Variants in RABGAP1L observed in about 807,000 individuals in gnomAD.
RABGAP1L encodes rab GTPase-activating protein 1-like.
Under a neutral mutation model 137.7 loss-of-function variants are expected in RABGAP1L, and 63 were observed. That is an observed-to-expected ratio of 0.46 (90% CI 0.37 to 0.56). RABGAP1L has a LOEUF of 0.56. Among genes scored for constraint, RABGAP1L ranks in the 20% least tolerant of loss-of-function variants. RABGAP1L has a pLI of 0.00. For synonymous variants in RABGAP1L, 431 were observed against 433.7 expected (o/e 0.99, Z 0.08); for missense variants, 1,095 against 1,244.0 (o/e 0.88, Z 1.80).
intron 14 of RABGAP1L, among the ~76,000 whole-genome samples, chr1:174,679,944 AGAC>A (rs1166483332): frequency 2.0e-5 from 3 of 152,358 alleles, no homozygotes; most frequent in Admixed American, 1.3e-4. Context: ...AGTGGATTAC[AGAC>A]CTAAATGTAA....
chr1:174,386,292 TG>T (rs1686769817), intron 12 of RABGAP1L, among the ~76,000 whole-genome samples: 1 of 152,162 alleles, frequency 6.6e-6, no homozygotes, highest in African/African-American at 2.4e-5. Flanking sequence ...ATTTTAGAGG[TG>T]AGAGAACTGA....
chr1:174,555,324 A>T (rs1201586245), intron 13 of RABGAP1L, among the ~76,000 whole-genome samples: 1 of 152,226 alleles, frequency 6.6e-6, no homozygotes, highest in Non-Finnish European at 1.5e-5. Context: ...GCTTTAAAAC[A>T]TTCTCTAATG....
At position 174,916,982 on chromosome 1, in the gene RABGAP1L, C is replaced by T. The variant is rs1206781169; in HGVS notation, c.2341-40475C>T. ...GCTGGGAAATACAAGATCAGTGTTCCAGTAGATTTGGTTCCTGGTGAGAAC... is the reference window on the plus strand; with the variant it reads ...GCTGGGAAATACAAGATCAGTGTTCTAGTAGATTTGGTTCCTGGTGAGAAC... On this transcript the variant is annotated intron_variant, in intron 19 of 25. Transcript: ENST00000681986. Among the ~76,000 whole-genome samples, 4 of 152,150 alleles carry T rather than the reference C, an allele frequency of 2.6e-5. No individual in the cohort carries two copies. The East Asian group carries it at 7.7e-4, about 29-fold the overall frequency.
chr1:174,519,176 C>T (rs1459777966), intron 13 of RABGAP1L, among the ~76,000 whole-genome samples: 1 of 149,756 alleles, frequency 6.7e-6, no homozygotes, highest in Non-Finnish European at 1.5e-5. Context: ...GTATAAACTC[C>T]CATGTGTAAA....
intron 13 of RABGAP1L, among the ~76,000 whole-genome samples, chr1:174,550,921 C>CACACACATATACACAT (rs1467484298): frequency 6.6e-5 from 6 of 90,952 alleles, no homozygotes; most frequent in African/African-American, 3.2e-4. Flanking sequence ...CACACACACA[C>CACACACATATACACAT]ATATATATAT....
chr1:174,307,991 TG>T, intron 11 of RABGAP1L, among the ~76,000 whole-genome samples: 1 of 152,210 alleles, frequency 6.6e-6, no homozygotes, highest in East Asian at 1.9e-4. Context: ...TTTTGCTTTT[TG>T]GTAATAGCCG....
At chr1:174,662,102 CTTTT>C (rs749496325) in intron 14 of RABGAP1L, among the ~76,000 whole-genome samples, 3 of 90,268 alleles carry the variant, frequency 3.3e-5, no homozygotes, top group African/African-American at 1.9e-4. Context: ...CTTTTCTTTT[CTTTT>C]TTTTTTTTTT....
chr1:174,950,759 A>G (rs1052626682), intron 19 of RABGAP1L, among the ~76,000 whole-genome samples: 2 of 152,212 alleles, frequency 1.3e-5, no homozygotes, highest in African/African-American at 2.4e-5. Flanking sequence ...AGTGAGCAAG[A>G]GTAGCACATA....
chr1:174,897,451 G>A (rs1160383784), intron 19 of RABGAP1L: 1 of 152,092 alleles, frequency 6.6e-6, no homozygotes, highest in Non-Finnish European at 1.5e-5. Flanking sequence ...ACTTACCTCT[G>A]ATCTATTTAA....
intron 5 of RABGAP1L, among the ~76,000 whole-genome samples, chr1:174,242,580 T>C (rs1003741940): frequency 1.3e-5 from 2 of 152,224 alleles, no homozygotes; most frequent in African/African-American, 4.8e-5. Flanking sequence ...TTAATGGAAA[T>C]ATGGATTTCT....
At chr1:174,243,899 G>A (rs903063023) in intron 5 of RABGAP1L, among the ~76,000 whole-genome samples, 3 of 152,112 alleles carry the variant, frequency 2.0e-5, no homozygotes, top group Non-Finnish European at 4.4e-5. Context: ...CAACTTTCCT[G>A]TTGCTTACAT....
At chr1:174,661,258 A>G (rs991268476) in intron 14 of RABGAP1L, among the ~76,000 whole-genome samples, 4 of 152,328 alleles carry the variant, frequency 2.6e-5, no homozygotes, top group East Asian at 1.9e-4. Flanking sequence ...CCTCATAACC[A>G]TATTGATTTT....
intron 13 of RABGAP1L, among the ~76,000 whole-genome samples, chr1:174,587,989 G>A (rs534491300): frequency 6.6e-6 from 1 of 152,018 alleles, no homozygotes; most frequent in African/African-American, 2.4e-5. Flanking sequence ...TCAGCCTCCC[G>A]AGTAGTTGGG....
intron 13 of RABGAP1L, among the ~76,000 whole-genome samples, chr1:174,579,986 C>G (rs976081167): frequency 6.6e-6 from 1 of 152,144 alleles, no homozygotes; most frequent in African/African-American, 2.4e-5. Context: ...GTCTTGAACT[C>G]CTGACCTCAG....
intron 13 of RABGAP1L, among the ~76,000 whole-genome samples, chr1:174,544,669 A>G (rs996204581): frequency 1.3e-5 from 2 of 152,120 alleles, no homozygotes; most frequent in Admixed American, 6.5e-5. Flanking sequence ...ACTTTGGAGG[A>G]GAAGAGGCCC....
chr1:174,877,936 C>T (rs991107710), intron 19 of RABGAP1L, among the ~76,000 whole-genome samples: 2 of 152,114 alleles, frequency 1.3e-5, no homozygotes, highest in African/African-American at 2.4e-5. Flanking sequence ...AGAAGTGTAA[C>T]GTTTCTACCA....
rs142687718 is a variant in RABGAP1L at position 174,509,875 on chromosome 1, A to G, written c.1710+115730A>G. ...CAACTTGCCGCATTTTACACATCCA[A>G]CTAAAGTCATGTCCGTTCTACTTAT... On this transcript the variant is annotated intron_variant, in intron 13 of 25. Coordinates refer to ENST00000681986, the MANE Select transcript of RABGAP1L (RefSeq NM_001366446.1). 1.4e-3 allele frequency among the ~76,000 whole-genome samples: 208 copies of G among 152,224 alleles called. 5 individuals are homozygous for G. The East Asian group carries it at 0.035, about 25-fold the overall frequency.
intron 10 of RABGAP1L, among the ~76,000 whole-genome samples, chr1:174,300,749 C>T (rs1367352757): frequency 6.6e-6 from 1 of 152,048 alleles, no homozygotes; most frequent in African/African-American, 2.4e-5. Flanking sequence ...TGCCTGTAAT[C>T]ATAGCTACTT....
intron 19 of RABGAP1L, among the ~76,000 whole-genome samples, chr1:174,954,859 C>A (rs1005334991): frequency 6.6e-6 from 1 of 152,164 alleles, no homozygotes; most frequent in Non-Finnish European, 1.5e-5. Context: ...GAAGCTTCCC[C>A]TTTTTCTATA....
Sources: gnomAD v4.1 joint callset for allele counts (sites outside exome capture counted in the v4.1 genomes callset) on GRCh38, gnomAD v4.1.1 for gene constraint, MANE v1.5 for transcripts, NCBI Gene and HGNC (gene_info 2026-07-23, HGNC 2026-07-21) for gene names.